Variants in ELL observed in about 807,000 individuals in gnomAD.
ELL encodes RNA polymerase II elongation factor ELL.
Under a neutral mutation model 64.0 loss-of-function variants are expected in ELL, and 18 were observed. That is an observed-to-expected ratio of 0.28 (90% CI 0.19 to 0.42). The LOEUF is 0.42. Among genes scored for constraint, ELL ranks in the 10% least tolerant of loss-of-function variants. The pLI is 1.00. For missense variants in ELL, 797 were observed against 870.4 expected (o/e 0.92, Z 1.06); for synonymous variants, 399 against 376.2 (o/e 1.06, Z -0.70).
At chr19:18,468,524 G>A (rs553464222) in intron 2 of ELL, among the ~76,000 whole-genome samples, 1 of 152,348 alleles carries the variant, frequency 6.6e-6, no homozygotes, top group East Asian at 1.9e-4. Context: ...TGGTGGCCAG[G>A]TGCACAGGTG....
At chr19:18,509,657 A>ACACACT (rs1975974734) in intron 1 of ELL, among the ~76,000 whole-genome samples, 1 of 111,590 alleles carries the variant, frequency 9.0e-6, no homozygotes, top group East Asian at 2.7e-4. Context: ...ACACACACAC[A>ACACACT]CTCCCCTCCC....
At chr19:18,512,966 C>T (rs1462564559) in intron 1 of ELL, among the ~76,000 whole-genome samples, 1 of 152,196 alleles carries the variant, frequency 6.6e-6, no homozygotes, top group African/African-American at 2.4e-5. Flanking sequence ...GCAACAACAG[C>T]ATCTCATGAA....
At position 18,465,850 on chromosome 19, in the gene ELL, G is replaced by A. The variant is rs371306572; in HGVS notation, c.252C>T (p.Ile84=). Reference sequence around the variant, plus strand: ...AGCTGCCCTGGGGGTTGTCGCGGCCGATGTTGGAGAGGTAGAAGGAGAACG... The same window carrying A: ...AGCTGCCCTGGGGGTTGTCGCGGCCAATGTTGGAGAGGTAGAAGGAGAACG... ...ARTFSFYLSN[I]GRDNPQGSFD... The change falls in exon 3 of 12, where the codon ATC becomes ATT. Residue 84 remains isoleucine, a synonymous_variant. Coordinates refer to ENST00000262809, the MANE Select transcript of ELL (RefSeq NM_006532.4). 19 of 1,350,104 alleles carry A rather than the reference G, an allele frequency of 1.4e-5. No individual in the cohort carries two copies. Among genetic ancestry groups the A allele is most frequent in the East Asian group, 8.3e-5 (3 of 36,174 alleles). The allele number at this position is 1,350,104 out of a possible 1,614,324, so 83.6% of individuals were successfully genotyped here.
intron 1 of ELL, among the ~76,000 whole-genome samples, chr19:18,497,425 T>A (rs1975679399): frequency 6.6e-6 from 1 of 152,174 alleles, no homozygotes; most frequent in Non-Finnish European, 1.5e-5. Context: ...GACATGACTG[T>A]GTGGCACTAC....
At chr19:18,461,386 T>C (rs1050861478) in intron 5 of ELL, among the ~76,000 whole-genome samples, 192 bp downstream of exon 5, 5 of 152,072 alleles carry the variant, frequency 3.3e-5, no homozygotes, top group African/African-American at 1.2e-4. Context: ...CAGAAACGCA[T>C]CCATGGCCCC....
rs775735364 is a variant in ELL, at chr19:18,450,822, T to C, written c.1120A>G (p.Ser374Gly). The C allele has an allele frequency of 1.3e-6, 2 of 1,589,168 alleles. No individual in the cohort carries two copies. Among genetic ancestry groups the C allele is most frequent in the Non-Finnish European group, 1.7e-6 (2 of 1,166,748 alleles). Residue 374 changes from serine to glycine, a missense_variant, in exon 8 of 12, where the codon AGC becomes GGC. By Grantham distance (56) the Ser-to-Gly change is moderately conservative. Coordinates refer to ENST00000262809, the MANE Select transcript of ELL (RefSeq NM_006532.4). Reference sequence around the variant, plus strand: ...GTGCTGGAGCTGAGGGTGTCCGTGCTGGCTGGTGGGCCCGGGGTGGGCAGC... The same window carrying C: ...GTGCTGGAGCTGAGGGTGTCCGTGCCGGCTGGTGGGCCCGGGGTGGGCAGC... ...ALLPTPGPPA[S>G]TDTLSSSTHL... is the part of the protein sequence containing the mutation.
intron 1 of ELL, among the ~76,000 whole-genome samples, chr19:18,485,738 AGCACTTT>A (rs1393446941): frequency 1.3e-5 from 2 of 152,138 alleles, no homozygotes; most frequent in African/African-American, 4.8e-5. Context: ...CTGTAATCCC[AGCACTTT>A]GAGAGCCAAG....
intron 6 of ELL, among the ~76,000 whole-genome samples, chr19:18,452,948 G>C (rs1194924233): frequency 6.6e-6 from 1 of 152,218 alleles, no homozygotes; most frequent in Non-Finnish European, 1.5e-5. Flanking sequence ...TTTGAAAAGA[G>C]ACTCCACAGG....
At chr19:18,447,544 C>G (rs1468799233) in intron 8 of ELL, among the ~76,000 whole-genome samples, 1 of 152,228 alleles carries the variant, frequency 6.6e-6, no homozygotes, top group African/African-American at 2.4e-5. Context: ...AGCAGCACAG[C>G]TGATGGCTAG....
At chr19:18,460,493 A>G (rs1974782667) in intron 5 of ELL, among the ~76,000 whole-genome samples, 2 of 152,146 alleles carry the variant, frequency 1.3e-5, no homozygotes, top group South Asian at 4.1e-4. Context: ...CCCACATCTG[A>G]TGACTCCATC....
chr19:18,454,122 A>G (rs1254039908), intron 6 of ELL, among the ~76,000 whole-genome samples: 1 of 152,222 alleles, frequency 6.6e-6, no homozygotes, highest in Non-Finnish European at 1.5e-5. Flanking sequence ...TTATGAACGT[A>G]CAAAATGTTA....
At chr19:18,509,579 ACGTGCGCGCG>A in intron 1 of ELL, among the ~76,000 whole-genome samples, 1 of 132,592 alleles carries the variant, frequency 7.5e-6, no homozygotes, top group East Asian at 2.5e-4. Context: ...AGGCCAATGC[ACGTGCGCGCG>A]CGCGCACATA....
At chr19:18,446,251 C>A in intron 10 of ELL, 58 bp downstream of exon 10, 1 of 1,467,794 alleles carries the variant, frequency 6.8e-7, no homozygotes, top group East Asian at 2.5e-5. Flanking sequence ...GGTGCGCGCC[C>A]AAGTGGGCCC....
rs2144893973 is a variant in ELL, at chr19:18,450,886, G to A, written c.1056C>T (p.Val352=). The A allele has an allele frequency of 6.3e-7, 1 of 1,577,038 alleles. No individual in the cohort carries two copies. Among genetic ancestry groups the A allele is most frequent in the Non-Finnish European group, 8.6e-7 (1 of 1,161,066 alleles). ...SHFTQRAQPA[V]NGKLGVPNGR... ...CATTGGGCACGCCCAGCTTCCCGTT[G>A]ACGGCAGGCTGAGCTCTCTGAGTGA... The change falls in exon 8 of 12, where the codon GTC becomes GTT. Residue 352 remains valine (V), a synonymous_variant. Coordinates refer to ENST00000262809, the MANE Select transcript of ELL (RefSeq NM_006532.4).
intron 2 of ELL, among the ~76,000 whole-genome samples, chr19:18,467,627 A>G (rs1278512206): frequency 4.1e-5 from 1 of 24,466 alleles, no homozygotes; most frequent in Admixed American, 4.3e-4. Context: ...CCCCCACCAC[A>G]CAACCACACA....
At chr19:18,510,622 G>C (rs1444331662) in intron 1 of ELL, among the ~76,000 whole-genome samples, 1 of 152,128 alleles carries the variant, frequency 6.6e-6, no homozygotes, top group Non-Finnish European at 1.5e-5. Flanking sequence ...GCAGGTCCTA[G>C]CTCTCACAGG....
At chr19:18,453,907 T>A (rs1039882148) in intron 6 of ELL, among the ~76,000 whole-genome samples, 11 of 152,130 alleles carry the variant, frequency 7.2e-5, no homozygotes, top group African/African-American at 2.7e-4. Flanking sequence ...TTTCCACAGA[T>A]TACATGTCAG....
chr19:18,505,719 C>T (rs568022108), intron 1 of ELL, among the ~76,000 whole-genome samples: 23 of 152,216 alleles, frequency 1.5e-4, no homozygotes, highest in African/African-American at 5.3e-4. Flanking sequence ...GTGGGGGCCA[C>T]GGGATGCGGC....
chr19:18,507,764 C>A (rs1166509493), intron 1 of ELL, among the ~76,000 whole-genome samples: 1 of 152,192 alleles, frequency 6.6e-6, no homozygotes, highest in Non-Finnish European at 1.5e-5. Flanking sequence ...GTAGGTTGTG[C>A]CCCGCCGAAC....
Sources: gnomAD v4.1 joint callset for allele counts (sites outside exome capture counted in the v4.1 genomes callset) on GRCh38, gnomAD v4.1.1 for gene constraint, MANE v1.5 for transcripts, NCBI Gene and HGNC (gene_info 2026-07-23, HGNC 2026-07-21) for gene names.